Variants in STAG1 observed in about 807,000 individuals in gnomAD.
STAG1 encodes the protein cohesin subunit SA-1.
Under a neutral mutation model 170.9 loss-of-function variants are expected in STAG1, and 26 were observed. The observed-to-expected ratio is 0.15, with a 90% CI of 0.11 to 0.21. The LOEUF (loss-of-function observed/expected upper bound fraction) is 0.21, where lower values mean the gene tolerates loss of function less well. Among genes scored for constraint, STAG1 ranks in the 10% least tolerant of loss-of-function variants. The probability of loss-of-function intolerance (pLI) is 1.00; values close to 1 mark genes in which losing one functional copy is unlikely to be tolerated. For synonymous variants in STAG1, 514 were observed against 497.7 expected, an observed-to-expected ratio of 1.03 and a Z score of -0.44; for missense variants, 964 against 1,509.5, an observed-to-expected ratio of 0.64 and a Z score of 5.99.
intron 7 of STAG1, among the ~76,000 whole-genome samples, chr3:136,513,388 A>C (rs1445546786): frequency 6.6e-6 from 1 of 152,154 alleles, no homozygotes; most frequent in Non-Finnish European, 1.5e-5. Context: ...AAAATAAGAA[A>C]GAACTCTTAG....
chr3:136,642,187 G>A (rs1396924786), intron 1 of STAG1, among the ~76,000 whole-genome samples: 2 of 149,654 alleles, frequency 1.3e-5, no homozygotes, highest in Non-Finnish European at 3.0e-5. Context: ...CAAATAAACT[G>A]CACTTAAAAC....
chr3:136,601,945 T>C (rs1287804922), intron 4 of STAG1, among the ~76,000 whole-genome samples: 2 of 152,132 alleles, frequency 1.3e-5, no homozygotes, highest in Non-Finnish European at 2.9e-5. Context: ...ACACTTCTAT[T>C]GGTCAATGTT....
intron 5 of STAG1, among the ~76,000 whole-genome samples, chr3:136,550,667 C>T (rs942154858): frequency 6.6e-6 from 1 of 152,064 alleles, no homozygotes; most frequent in Non-Finnish European, 1.5e-5. Context: ...GAAATTTAGT[C>T]ATTTATTCTA....
At position 136,359,301 on chromosome 3, in the gene STAG1, T is replaced by C. The variant is rs1433978037; in HGVS notation, c.2788-5A>G. On this transcript the variant is annotated splice_region_variant and splice_polypyrimidine_tract_variant and intron_variant, in intron 26 of 33. Transcript: ENST00000383202. ...TTGAACAAGTTCATTAAATAACTGA[T>C]AGAAAGAAAAAAAGAAGAAAAAACC... 6 of 1,549,166 alleles carry C rather than the reference T, an allele frequency of 3.9e-6. No homozygotes were observed. In the East Asian group the frequency reaches 1.1e-4, roughly 29 times the overall value.
At chr3:136,639,243 G>A (rs2107844976) in intron 1 of STAG1, among the ~76,000 whole-genome samples, 1 of 151,836 alleles carries the variant, frequency 6.6e-6, no homozygotes, top group Non-Finnish European at 1.5e-5. Context: ...GCTGAAGTGG[G>A]AGGGTCACTT....
intron 7 of STAG1, among the ~76,000 whole-genome samples, chr3:136,503,740 T>G (rs1247865482): frequency 6.6e-6 from 1 of 152,182 alleles, no homozygotes; most frequent in Non-Finnish European, 1.5e-5. Flanking sequence ...TTCATTATTT[T>G]TATTTTTTTT....
chr3:136,539,973 T>C (rs1393635287), intron 6 of STAG1, among the ~76,000 whole-genome samples: 1 of 152,126 alleles, frequency 6.6e-6, no homozygotes, highest in Non-Finnish European at 1.5e-5. Context: ...TGATTATTCC[T>C]TGAGAATTAG....
At chr3:136,520,424 G>C (rs1265100193) in intron 7 of STAG1, among the ~76,000 whole-genome samples, 1 of 152,042 alleles carries the variant, frequency 6.6e-6, no homozygotes, top group African/African-American at 2.4e-5. Context: ...TACTAAAAAA[G>C]ATGTAATTTG....
chr3:136,513,765 A>G (rs114761946), intron 7 of STAG1, among the ~76,000 whole-genome samples: 2,566 of 152,290 alleles, frequency 0.017, 76 homozygotes, highest in African/African-American at 0.059. Flanking sequence ...CTTTTTCTCA[A>G]GAAACTATCA....
At chr3:136,441,760 A>G (rs1217315348) in intron 15 of STAG1, among the ~76,000 whole-genome samples, 2 of 152,192 alleles carry the variant, frequency 1.3e-5, no homozygotes, top group African/African-American at 2.4e-5. Context: ...AAAGGGACTC[A>G]ATAGAACAGT....
chr3:136,381,860 T>G (rs1412460812), intron 22 of STAG1, among the ~76,000 whole-genome samples: 2 of 152,192 alleles, frequency 1.3e-5, no homozygotes, highest in African/African-American at 4.8e-5. Flanking sequence ...TATTCTAAGG[T>G]TCTATGTTAC....
rs150229617 is a variant in STAG1 at position 136,725,105 on chromosome 3, C to T, written c.-84+27090G>A. 1.2e-3 allele frequency among the ~76,000 whole-genome samples: 185 copies of T among 152,238 alleles called. 1 individual carries two copies. The highest frequency in any genetic ancestry group is 4.1e-3 in the African/African-American group (170 of 41,556). On this transcript the variant is annotated intron_variant, in intron 1 of 33. Coordinates refer to ENST00000383202, the MANE Select transcript of STAG1 (RefSeq NM_005862.3). ...TATAATTGCAAATCTAGATGTTCCT[C>T]AACATTTCTGTGTAAATCTAGTGAT...
chr3:136,338,560 A>C, intron 32 of STAG1, 110 bp from the exon 33 acceptor site: 3 of 739,560 alleles, frequency 4.1e-6, no homozygotes, highest in Non-Finnish European at 6.8e-6. Flanking sequence ...AACTGCTAAG[A>C]GTCAATTTTG....
At chr3:136,631,150 A>G (rs974025604) in intron 1 of STAG1, among the ~76,000 whole-genome samples, 169 bp from the exon 2 acceptor site, 1 of 152,262 alleles carries the variant, frequency 6.6e-6, no homozygotes, top group Non-Finnish European at 1.5e-5. Flanking sequence ...ATAACTGCCA[A>G]AACTTGGAAG....
chr3:136,477,856 T>G (rs2089793640), intron 9 of STAG1, among the ~76,000 whole-genome samples: 1 of 152,150 alleles, frequency 6.6e-6, no homozygotes, highest in Non-Finnish European at 1.5e-5. Context: ...AGTGGCATGA[T>G]TTCGGCTGAC....
intron 16 of STAG1, among the ~76,000 whole-genome samples, chr3:136,423,391 T>C (rs2088016938): frequency 6.6e-6 from 1 of 152,188 alleles, no homozygotes; most frequent in Non-Finnish European, 1.5e-5. Flanking sequence ...ATGTTAAATA[T>C]ACACACACTT....
At chr3:136,737,000 C>A in intron 1 of STAG1, 1 of 1,591,750 alleles carries the variant, frequency 6.3e-7, no homozygotes, top group Non-Finnish European at 8.6e-7. Context: ...TCAGGATGCA[C>A]CAAGATGGAT....
At chr3:136,355,875 A>G (rs1213835612) in intron 28 of STAG1, among the ~76,000 whole-genome samples, 1 of 152,212 alleles carries the variant, frequency 6.6e-6, no homozygotes, top group Non-Finnish European at 1.5e-5. Flanking sequence ...CTTTGAGATG[A>G]ATAAAAACAG....
chr3:136,420,878 G>T (rs1339895977), intron 20 of STAG1, among the ~76,000 whole-genome samples: 1 of 152,198 alleles, frequency 6.6e-6, no homozygotes, highest in Non-Finnish European at 1.5e-5. Context: ...GGGTTCAAGC[G>T]ATTCTCCTGC....
Sources: gnomAD v4.1 joint callset for allele counts (sites outside exome capture counted in the v4.1 genomes callset) on GRCh38, gnomAD v4.1.1 for gene constraint, MANE v1.5 for transcripts, NCBI Gene and HGNC (gene_info 2026-07-23, HGNC 2026-07-21) for gene names.